Variants in MYT1 observed in about 807,000 individuals in gnomAD.
The protein encoded by MYT1 is myelin transcription factor I.
In MYT1, 23 loss-of-function variants were observed where a neutral mutation model predicts 123.0. The observed-to-expected ratio is 0.19, with a 90% confidence interval of 0.13 to 0.26. The LOEUF (loss-of-function observed/expected upper bound fraction) is 0.26, where lower values mean the gene tolerates loss of function less well. MYT1 is among the 10% of genes least tolerant of loss of function. The probability of loss-of-function intolerance (pLI) is 1.00; values close to 1 mark genes in which losing one functional copy is unlikely to be tolerated. For missense variants in MYT1, 1,125 were observed against 1,472.5 expected, an observed-to-expected ratio of 0.76 and a Z score of 3.86; for synonymous variants, 518 against 575.3, an observed-to-expected ratio of 0.90 and a Z score of 1.43.
At chr20:64,220,778 AGGGGGGTGGGGCT>A (rs1983976835) in intron 13 of MYT1, among the ~76,000 whole-genome samples, 1 of 142,338 alleles carries the variant, frequency 7.0e-6, no homozygotes, top group South Asian at 2.3e-4. Flanking sequence ...AGGAGGAATG[AGGGGGGTGGGGCT>A]AGGCCCCTAT....
At chr20:64,234,363 A>G (rs536335615) in intron 19 of MYT1, among the ~76,000 whole-genome samples, 11 of 152,316 alleles carry the variant, frequency 7.2e-5, no homozygotes, top group African/African-American at 2.4e-4. Flanking sequence ...CTCAGACCCC[A>G]GAGGGAGCCC....
At chr20:64,199,428 G>C (rs568846656) in intron 3 of MYT1, among the ~76,000 whole-genome samples, 2 of 152,184 alleles carry the variant, frequency 1.3e-5, no homozygotes, top group African/African-American at 2.4e-5. Context: ...TGCCTGCCCC[G>C]GTCAGAGCCC....
intron 14 of MYT1, among the ~76,000 whole-genome samples, chr20:64,222,857 C>G (rs1568717007): frequency 6.6e-6 from 1 of 152,236 alleles, no homozygotes; most frequent in Non-Finnish European, 1.5e-5. Flanking sequence ...ACACACAGCA[C>G]ATGTGCGTCA....
chr20:64,223,058 G>C, intron 14 of MYT1, 53 bp from the exon 15 acceptor site: 1 of 1,601,866 alleles, frequency 6.2e-7, no homozygotes, highest in South Asian at 1.1e-5. Context: ...GGCTCAGCCT[G>C]GGGGGCAGGT....
At chr20:64,179,475 G>C (rs906267123) in intron 1 of MYT1, among the ~76,000 whole-genome samples, 1 of 152,202 alleles carries the variant, frequency 6.6e-6, no homozygotes, top group Non-Finnish European at 1.5e-5. Context: ...TGGGGGGAAG[G>C]TACTTTGAAA....
rs964027468 is a variant in MYT1 at position 64,192,593 on chromosome 20, C to T, written c.-1+2433C>T. On this transcript the variant is annotated intron_variant, in intron 2 of 22. Transcript: ENST00000328439. This position sits in a 1 kb window ranked among gnomAD's most constrained non-coding sequence, Gnocchi z 5.3. ...CTGAGTTCAGCACCAGGCATGTGGA[C>T]AGCTCAGGACCGGTTGGAAGGGGCT... is the stretch of plus-strand genomic sequence containing the variant. 8.5e-5 allele frequency among the ~76,000 whole-genome samples: 13 copies of T among 152,226 alleles called. No individual in the cohort carries two copies. Among genetic ancestry groups the T allele is most frequent in the African/African-American group, 2.9e-4 (12 of 41,456 alleles).
chr20:64,241,780 A>G lies in MYT1; in HGVS notation c.*1332A>G, dbSNP rs1271854399. 1 of 152,628 alleles carries G rather than the reference A, an allele frequency of 6.6e-6. No individual in the cohort carries two copies. The highest frequency in any genetic ancestry group is 1.5e-5 in the Non-Finnish European group (1 of 68,038). 9.5% of individuals were successfully genotyped at this position (152,628 alleles called of 1,614,324 possible). A position where few individuals can be genotyped will look rare whatever the true frequency, so the allele number is the denominator to read the frequency against. Reference sequence around the variant, plus strand: ...TCCTAGTTATAATTTTGATGCAACCAAGTTATTTTTTATATATTTTGTTAT... The same window carrying G: ...TCCTAGTTATAATTTTGATGCAACCGAGTTATTTTTTATATATTTTGTTAT... On this transcript the variant is annotated 3_prime_UTR_variant, in exon 23 of 23. Transcript: ENST00000328439. The surrounding 1 kb of genome is among the most constrained non-coding windows in gnomAD (Gnocchi z 4.2).
chr20:64,187,732 T>G (rs536726674), intron 1 of MYT1, among the ~76,000 whole-genome samples: 10 of 152,372 alleles, frequency 6.6e-5, no homozygotes, highest in African/African-American at 2.4e-4. Context: ...GGGCTTCTAG[T>G]AGTGATAGCC....
Position 64,202,270 on chromosome 20 carries a change from C to T in MYT1, c.86+2348C>T, listed in dbSNP as rs1471531992. Reference sequence around the variant, plus strand: ...GACCCTGAGCTGCTATTTCCGACCTCGGAGCCCACTGGGAGTGCCTGAGCG... The same window carrying T: ...GACCCTGAGCTGCTATTTCCGACCTTGGAGCCCACTGGGAGTGCCTGAGCG... On this transcript the variant is annotated intron_variant, in intron 4 of 22. Coordinates refer to ENST00000328439, the MANE Select transcript of MYT1 (RefSeq NM_004535.3). The surrounding 1 kb of genome is among the most constrained non-coding windows in gnomAD (Gnocchi z 5.0). Among the ~76,000 whole-genome samples, 3 of 152,170 alleles carry T rather than the reference C, an allele frequency of 2.0e-5. No homozygotes were observed. The highest frequency in any genetic ancestry group is 7.2e-5 in the African/African-American group (3 of 41,432).
intron 12 of MYT1, among the ~76,000 whole-genome samples, chr20:64,219,249 G>T: frequency 6.6e-6 from 1 of 152,224 alleles, no homozygotes; most frequent in East Asian, 1.9e-4. Flanking sequence ...TGAGTGAAGG[G>T]GGACCAAGGG....
At chr20:64,211,896 C>G (rs1361656081) in intron 8 of MYT1, 152 bp from the exon 9 acceptor site, 2 of 659,698 alleles carry the variant, frequency 3.0e-6, no homozygotes, top group Non-Finnish European at 5.4e-6. Context: ...GGGGCTGGAG[C>G]TGCCCTGCGT....
At position 64,240,329 on chromosome 20, in the gene MYT1, T is replaced by A; in HGVS notation, c.3247T>A (p.Cys1083Ser). 1 of 1,613,988 alleles carries A rather than the reference T, an allele frequency of 6.2e-7. No homozygotes were observed. Among genetic ancestry groups the A allele is most frequent in the East Asian group, 2.2e-5 (1 of 44,876 alleles). ...NIRLPHMEPI[C>S]EQNFDAYVST... ...TGGTTCTGTTCTCTAGGAGCCAATATGCGAACAGAATTTCGATGCCTATGT... is the reference window on the plus strand; with the variant it reads ...TGGTTCTGTTCTCTAGGAGCCAATAAGCGAACAGAATTTCGATGCCTATGT... The change falls in exon 23 of 23, where the codon TGC (cysteine) becomes AGC (serine). Residue 1083 changes from cysteine to serine, a missense_variant. Physicochemically the swap from Cys to Ser is moderately radical, Grantham distance 112. Transcript: ENST00000328439.
intron 18 of MYT1, among the ~76,000 whole-genome samples, chr20:64,229,276 C>T (rs900356536): frequency 1.3e-5 from 2 of 152,186 alleles, no homozygotes; most frequent in African/African-American, 2.4e-5. Context: ...AGGAATTTGC[C>T]TATGATCATA....
chr20:64,216,828 C>T (rs1260818454), intron 10 of MYT1, among the ~76,000 whole-genome samples: 3 of 152,182 alleles, frequency 2.0e-5, no homozygotes, highest in East Asian at 3.8e-4. Context: ...TTTGAGGGTC[C>T]TATTGCTTCC....
chr20:64,201,535 A>G (rs1983299458), intron 4 of MYT1, among the ~76,000 whole-genome samples: 1 of 152,258 alleles, frequency 6.6e-6, no homozygotes, highest in Non-Finnish European at 1.5e-5. Context: ...TACATTCTGC[A>G]CGGAAGGTAC....
rs1982772371 is a variant in MYT1, at chr20:64,185,389, C to G, written c.-98-4674C>G. Among the ~76,000 whole-genome samples, 1 of 152,188 alleles carries G rather than the reference C, an allele frequency of 6.6e-6. No homozygotes were observed. The highest frequency in any genetic ancestry group is 2.4e-5 in the African/African-American group (1 of 41,452). On this transcript the variant is annotated intron_variant, in intron 1 of 22. Coordinates refer to ENST00000328439, the MANE Select transcript of MYT1 (RefSeq NM_004535.3). The surrounding 1 kb of genome is among the most constrained non-coding windows in gnomAD (Gnocchi z 4.5). ...CCTCTCAAGTGACTACCCTTCCCCTCTTTGCTGAGGGGCAGGTGGTAACAG... is the reference window on the plus strand; with the variant it reads ...CCTCTCAAGTGACTACCCTTCCCCTGTTTGCTGAGGGGCAGGTGGTAACAG...
chr20:64,170,287 G>A (rs1234470925), intron 1 of MYT1, among the ~76,000 whole-genome samples: 1 of 152,102 alleles, frequency 6.6e-6, no homozygotes, highest in Non-Finnish European at 1.5e-5. Flanking sequence ...CTCTCGGGAT[G>A]CAATGTCTCT....
At position 64,232,245 on chromosome 20, in the gene MYT1, G is replaced by A; in HGVS notation, c.2757G>A (p.Leu919=). The change falls in exon 19 of 23, where the codon CTG becomes CTA. Residue 919 remains leucine, a synonymous_variant. Transcript: ENST00000328439. This position sits in a 1 kb window ranked among gnomAD's most constrained non-coding sequence, Gnocchi z 6.9. Reference sequence around the variant, plus strand: ...ACAGGAGCGCATCCGGCTGCCCACTGGCCGCCCGCAGGCAGAAGGAAGGGT... The same window carrying A: ...ACAGGAGCGCATCCGGCTGCCCACTAGCCGCCCGCAGGCAGAAGGAAGGGT... ...ASHRSASGCP[L]AARRQKEGSL... is the part of the protein sequence containing the mutation. 1 of 1,613,198 alleles carries A rather than the reference G, an allele frequency of 6.2e-7. No individual in the cohort carries two copies. Among genetic ancestry groups the A allele is most frequent in the South Asian group, 1.1e-5 (1 of 91,086 alleles).
At position 64,186,795 on chromosome 20, in the gene MYT1, G is replaced by T. The variant is rs997288621; in HGVS notation, c.-98-3268G>T. ...GCCCCGGCATCCACGTTTCCGTGGAGACTTTTCCTGTAGCCTGTGGCCCCG... is the reference window on the plus strand; with the variant it reads ...GCCCCGGCATCCACGTTTCCGTGGATACTTTTCCTGTAGCCTGTGGCCCCG... On this transcript the variant is annotated intron_variant, in intron 1 of 22. Transcript: ENST00000328439. This position sits in a 1 kb window ranked among gnomAD's most constrained non-coding sequence, Gnocchi z 4.3. 1.3e-5 allele frequency among the ~76,000 whole-genome samples: 2 copies of T among 152,040 alleles called. No homozygotes were observed. The highest frequency in any genetic ancestry group is 4.8e-5 in the African/African-American group (2 of 41,358).
Sources: gnomAD v4.1 joint callset for allele counts (sites outside exome capture counted in the v4.1 genomes callset) on GRCh38, gnomAD v4.1.1 for gene constraint, Gnocchi (gnomAD v3.1) non-coding constraint, MANE v1.5 for transcripts, NCBI Gene and HGNC (gene_info 2026-07-23, HGNC 2026-07-21) for gene names.